The following BICRAL variants were observed in gnomAD, a reference collection of about 807,000 sequenced individuals.
BICRAL encodes the protein BRD4-interacting chromatin-remodeling complex-associated protein-like.
Under a neutral mutation model 91.8 loss-of-function variants are expected in BICRAL, and 8 were observed. That is an observed-to-expected ratio of 0.09 (90% CI 0.05 to 0.16). BICRAL has a LOEUF of 0.16. Among genes scored for constraint, BICRAL ranks in the 10% least tolerant of loss-of-function variants. The pLI is 1.00. For missense variants in BICRAL, 1,038 were observed against 1,310.9 expected (o/e 0.79, Z 3.21); for synonymous variants, 445 against 491.1 (o/e 0.91, Z 1.24).
Position 42,829,752 on chromosome 6 carries a change from G to A in BICRAL, c.1419G>A (p.Val473=). Residue 473 remains valine, a synonymous_variant, in exon 6 of 13, where the codon GTG becomes GTA. Transcript: ENST00000314073. ...ACCAGAATACTGCTGTCCACTTAGT[G>A]TCTGGGCAGACATTTGCTGCCTCTG... ...LNNQNTAVHL[V]SGQTFAASGS... 6.2e-7 allele frequency: 1 copy of A among 1,614,148 alleles called. No individual in the cohort carries two copies. Among genetic ancestry groups the A allele is most frequent in the Non-Finnish European group, 8.5e-7 (1 of 1,180,010 alleles).
upstream of BICRAL, among the ~76,000 whole-genome samples, chr6:42,779,938 G>A (rs1762862821): frequency 6.6e-6 from 1 of 152,004 alleles, no homozygotes; most frequent in African/African-American, 2.4e-5. Context: ...TTATTTTTTA[G>A]AGACAGGGTC....
At chr6:42,861,273 C>T (rs1321463294) in intron 11 of BICRAL, among the ~76,000 whole-genome samples, 2 of 152,170 alleles carry the variant, frequency 1.3e-5, no homozygotes, top group Non-Finnish European at 2.9e-5. Context: ...GATCGCACCA[C>T]TGTACTCCAG....
chr6:42,824,657 C>T (rs1381190619), intron 5 of BICRAL, among the ~76,000 whole-genome samples: 1 of 152,238 alleles, frequency 6.6e-6, no homozygotes, highest in African/African-American at 2.4e-5. Context: ...AGAAATGTTA[C>T]AACCTGAGAA....
At chr6:42,804,494 A>G (rs1028973124) in intron 1 of BICRAL, among the ~76,000 whole-genome samples, 1 of 152,216 alleles carries the variant, frequency 6.6e-6, no homozygotes, top group Non-Finnish European at 1.5e-5. Context: ...AAATAAAACT[A>G]AAGAAAGGCA....
intron 1 of BICRAL, among the ~76,000 whole-genome samples, chr6:42,761,483 A>G (rs779222752): frequency 3.3e-5 from 5 of 152,228 alleles, no homozygotes; most frequent in Admixed American, 2.6e-4. Flanking sequence ...TAGTTGTGCA[A>G]TACTAGCTCT....
intron 1 of BICRAL, among the ~76,000 whole-genome samples, chr6:42,784,752 G>T (rs1272116679): frequency 6.6e-6 from 1 of 152,220 alleles, no homozygotes; most frequent in Non-Finnish European, 1.5e-5. Context: ...TAATTTGGGA[G>T]ATGTTTTTAA....
chr6:42,751,005 T>C (rs977488406), intron 1 of BICRAL, among the ~76,000 whole-genome samples: 1 of 149,708 alleles, frequency 6.7e-6, no homozygotes, highest in African/African-American at 2.5e-5. Flanking sequence ...CAACCTGTTA[T>C]CTAGGTTTTA....
chr6:42,808,722 GT>G lies in BICRAL; in HGVS notation c.-101-1580del, dbSNP rs1170470228. Among the ~76,000 whole-genome samples, 4 of 152,096 alleles carry G rather than the reference GT, an allele frequency of 2.6e-5. No homozygotes were observed. The East Asian group carries it at 7.7e-4, about 29-fold the overall frequency. On this transcript the variant is annotated intron_variant, in intron 1 of 12. Transcript: ENST00000314073. ...GTGAAGAGTGCCTCCACCACCAGCT[GT>G]TTTAGGCCTCCAAGACAGCTCCTGG... is the stretch of plus-strand genomic sequence containing the variant.
chr6:42,788,036 A>G (rs543493703), intron 1 of BICRAL, among the ~76,000 whole-genome samples: 10 of 152,098 alleles, frequency 6.6e-5, no homozygotes, highest in African/African-American at 2.4e-4. Context: ...AGCTGGGACC[A>G]CAGGTGTGCA....
chr6:42,835,606 G>A (rs1226879303), intron 6 of BICRAL, among the ~76,000 whole-genome samples: 1 of 151,736 alleles, frequency 6.6e-6, no homozygotes, highest in Non-Finnish European at 1.5e-5. Flanking sequence ...TCTGTGTTTA[G>A]CCTAAGTGTT....
chr6:42,765,280 A>G lies in BICRAL; in HGVS notation c.-260-16559A>G, dbSNP rs1421237740. ...CTGATTTGGAGGACGGAATAATGGC[A>G]GGAAACATTTAGGAATGTGAATGCG... On this transcript the variant is annotated intron_variant, in intron 1 of 14. Transcript: ENST00000614467. 2.0e-5 allele frequency among the ~76,000 whole-genome samples: 3 copies of G among 152,378 alleles called. No individual in the cohort carries two copies. The East Asian group carries it at 5.8e-4, about 29-fold the overall frequency.
intron 1 of BICRAL, among the ~76,000 whole-genome samples, chr6:42,784,085 A>G (rs1394579850): frequency 5.9e-5 from 9 of 152,202 alleles, no homozygotes; most frequent in Admixed American, 5.9e-4. Flanking sequence ...GACATTTACT[A>G]GTTGTCAGAT....
intron 1 of BICRAL, among the ~76,000 whole-genome samples, chr6:42,774,303 CAAATG>C (rs1224520406): frequency 6.6e-6 from 1 of 152,096 alleles, no homozygotes; most frequent in Non-Finnish European, 1.5e-5. Flanking sequence ...GAATCATAGA[CAAATG>C]AAAAGTATCC....
intron 7 of BICRAL, among the ~76,000 whole-genome samples, chr6:42,853,064 C>CAAAAA (rs35328845): frequency 1.0e-5 from 1 of 97,714 alleles, no homozygotes; most frequent in Non-Finnish European, 2.0e-5. Flanking sequence ...GACCTTGTCT[C>CAAAAA]AAAAAAAAAA....
chr6:42,811,203 G>A (rs1458736768), intron 2 of BICRAL, among the ~76,000 whole-genome samples: 2 of 152,222 alleles, frequency 1.3e-5, no homozygotes, highest in African/African-American at 4.8e-5. Context: ...AAACAAATGA[G>A]ATGAGCCCTG....
intron 6 of BICRAL, among the ~76,000 whole-genome samples, chr6:42,842,002 G>T (rs765132000): frequency 6.6e-6 from 1 of 152,174 alleles, no homozygotes; most frequent in Non-Finnish European, 1.5e-5. Flanking sequence ...TTCCAGTTCA[G>T]TCATAGGTAC....
chr6:42,854,939 A>C (rs1229572310), intron 8 of BICRAL, among the ~76,000 whole-genome samples: 1 of 152,192 alleles, frequency 6.6e-6, no homozygotes, highest in African/African-American at 2.4e-5. Context: ...CTAGTCTAAA[A>C]TGGAAGGAAA....
Position 42,865,544 on chromosome 6 carries a change from TCTC to T in BICRAL, c.*101_*103del. ...TCCTGGCAAAAGCAAATGGAAATGG[TCTC>T]CTGTCTCCAGCCTGCTTGATCTTTC... On this transcript the variant is annotated 3_prime_UTR_variant, in exon 13 of 13. Coordinates refer to ENST00000314073, the MANE Select transcript of BICRAL (RefSeq NM_001393499.1). 1 of 625,924 alleles carries T rather than the reference TCTC, an allele frequency of 1.6e-6. No homozygotes were observed. 38.8% of individuals were successfully genotyped at this position (625,924 alleles called of 1,614,324 possible). A position where few individuals can be genotyped will look rare whatever the true frequency, so the allele number is the denominator to read the frequency against.
chr6:42,853,770 T>C (rs780130623), intron 8 of BICRAL, 32 bp downstream of exon 8: 2 of 1,408,518 alleles, frequency 1.4e-6, no homozygotes, highest in East Asian at 2.3e-5. Flanking sequence ...CTCTTCCTAA[T>C]GTTCGGCATA....
Sources: allele counts gnomAD v4.1 joint callset (sites outside exome capture counted in the v4.1 genomes callset), GRCh38; gene constraint gnomAD v4.1.1; transcripts MANE v1.5; gene names NCBI Gene and HGNC (gene_info 2026-07-23, HGNC 2026-07-21).